The following ANKRD27 variants were observed in gnomAD, a reference collection of about 807,000 sequenced individuals.
ANKRD27 encodes the protein ankyrin repeat domain-containing protein 27.
A neutral mutation model predicts 129.7 loss-of-function variants in ANKRD27; 112 were observed. That is an observed-to-expected ratio of 0.86 (90% CI 0.74 to 1.01). The LOEUF (loss-of-function observed/expected upper bound fraction) is 1.01. Ranked by LOEUF, ANKRD27 falls within the 50% of genes least tolerant of loss-of-function variation. The pLI is 0.00. For missense variants in ANKRD27, 1,258 were observed against 1,300.5 expected, an observed-to-expected ratio of 0.97 and a Z score of 0.50; for synonymous variants, 516 against 511.2, an observed-to-expected ratio of 1.01 and a Z score of -0.13.
chr19:32,644,653 T>C (rs1255836158), intron 4 of ANKRD27, among the ~76,000 whole-genome samples, 174 bp from the exon 5 acceptor site: 2 of 152,196 alleles, frequency 1.3e-5, no homozygotes, highest in African/African-American at 4.8e-5. Flanking sequence ...CCTGGTCCTC[T>C]CAAGGCCTCT....
chr19:32,645,500 G>A (rs1341451020), intron 4 of ANKRD27, among the ~76,000 whole-genome samples: 1 of 152,078 alleles, frequency 6.6e-6, no homozygotes, highest in Non-Finnish European at 1.5e-5. Context: ...GTGCAGTGGT[G>A]TGATCATGGC....
At chr19:32,604,482 G>C in intron 24 of ANKRD27, 58 bp from the exon 25 acceptor site, 1 of 1,518,936 alleles carries the variant, frequency 6.6e-7, no homozygotes, top group Non-Finnish European at 8.9e-7. Context: ...CATGGAATCT[G>C]GCTGTGGGTA....
chr19:32,601,988 C>T (rs184828672), intron 26 of ANKRD27, 27 bp downstream of exon 26: 26 of 1,435,316 alleles, frequency 1.8e-5, no homozygotes, highest in South Asian at 7.1e-5. Flanking sequence ...CCAACTTGAG[C>T]GTGACAGAAA....
At chr19:32,620,422 G>A (rs1199116506) in intron 18 of ANKRD27, among the ~76,000 whole-genome samples, 1 of 150,928 alleles carries the variant, frequency 6.6e-6, no homozygotes, top group Non-Finnish European at 1.5e-5. Context: ...AAATAAACTA[G>A]CTGGGCTTGG....
rs569624738 is a variant in ANKRD27, at chr19:32,667,176, A to G, written c.-31+7895T>C. 1.8e-4 allele frequency among the ~76,000 whole-genome samples: 28 copies of G among 152,366 alleles called. No individual in the cohort carries two copies. The South Asian group carries it at 5.8e-3, about 32-fold the overall frequency. On this transcript the variant is annotated intron_variant, in intron 1 of 28. Coordinates refer to ENST00000306065, the MANE Select transcript of ANKRD27 (RefSeq NM_032139.3). ...AGGCACCCGACTTCCCAGGGGGCGC[A>G]GCTCTGTGCAAGGGCACTAGGCTAG... is the stretch of plus-strand genomic sequence containing the variant.
chr19:32,630,796 A>G (rs1966979295), intron 13 of ANKRD27, among the ~76,000 whole-genome samples: 1 of 151,914 alleles, frequency 6.6e-6, no homozygotes, highest in Admixed American at 6.6e-5. Flanking sequence ...ACACCTGGCT[A>G]ATTTTTGTAT....
chr19:32,669,962 CTCCAGCCTGAGTGACAGGCTGAGA>C (rs1967835070), intron 1 of ANKRD27, among the ~76,000 whole-genome samples: 1 of 149,132 alleles, frequency 6.7e-6, no homozygotes, highest in Admixed American at 6.7e-5. Flanking sequence ...CGCCACTGCA[CTCCAGCCTGAGTGACAGGCTGAGA>C]TCCCGTCACA....
intron 12 of ANKRD27, 144 bp from the exon 13 acceptor site, chr19:32,631,638 C>T (rs1568407231): frequency 1.3e-5 from 9 of 680,050 alleles, no homozygotes; most frequent in Middle Eastern, 3.9e-4. Flanking sequence ...CTCACTGAGA[C>T]GGAGGACGGG....
chr19:32,613,595 T>C (rs577317144), intron 22 of ANKRD27, among the ~76,000 whole-genome samples: 6 of 152,038 alleles, frequency 3.9e-5, no homozygotes, highest in East Asian at 3.8e-4. Context: ...ACAAATGGAA[T>C]GCCACCCCGC....
At chr19:32,618,750 A>T (rs1249305987) in intron 20 of ANKRD27, among the ~76,000 whole-genome samples, 1 of 151,982 alleles carries the variant, frequency 6.6e-6, no homozygotes, top group Non-Finnish European at 1.5e-5. Flanking sequence ...TCAGCTAAAG[A>T]ATGAGGCAGA....
chr19:32,604,421 C>T lies in ANKRD27; in HGVS notation c.2497G>A (p.Gly833Arg), dbSNP rs1487971975. The change falls in exon 25 of 29, where the codon GGG (glycine) becomes AGG (arginine). Residue 833 changes from glycine (G) to arginine (R), a missense_variant. Gly to Arg is a moderately radical substitution (Grantham distance 125). Coordinates refer to ENST00000306065, the MANE Select transcript of ANKRD27 (RefSeq NM_032139.3). ...TTGTTAGAAGCGTTAATGGAGGCCCCGTGCTGGAAAGAGAAACCACACGAT... is the reference window on the plus strand; with the variant it reads ...TTGTTAGAAGCGTTAATGGAGGCCCTGTGCTGGAAAGAGAAACCACACGAT... ...HELVALLLQH[G>R]ASINASNNKG... The T allele has an allele frequency of 5.0e-6, 8 of 1,598,136 alleles. No homozygotes were observed. In the South Asian group the frequency reaches 5.5e-5, roughly 11 times the overall value.
intron 12 of ANKRD27, chr19:32,638,434 T>C (rs1967131358): frequency 2.0e-5 from 3 of 152,240 alleles, no homozygotes; most frequent in African/African-American, 7.2e-5. Context: ...TCCACTAGTC[T>C]ACGTACCTCA....
chr19:32,651,606 G>GAA (rs1967418299), intron 2 of ANKRD27, among the ~76,000 whole-genome samples: 1 of 152,118 alleles, frequency 6.6e-6, no homozygotes, highest in African/African-American at 2.4e-5. Flanking sequence ...TCCTGACCTT[G>GAA]TGATCTGCCC....
At chr19:32,672,087 A>T (rs554793189) in intron 1 of ANKRD27, among the ~76,000 whole-genome samples, 31 of 152,330 alleles carry the variant, frequency 2.0e-4, no homozygotes, top group African/African-American at 6.5e-4. Flanking sequence ...GCATGGGGGA[A>T]TTCAGCCTCC....
chr19:32,634,552 T>C (rs534456290), intron 12 of ANKRD27, among the ~76,000 whole-genome samples: 28 of 152,194 alleles, frequency 1.8e-4, no homozygotes, highest in African/African-American at 6.5e-4. Context: ...AACTAAACAC[T>C]ATCCTTAGGG....
At chr19:32,628,886 G>A (rs1966939572) in intron 13 of ANKRD27, 37 bp from the exon 14 acceptor site, 2 of 1,610,558 alleles carry the variant, frequency 1.2e-6, no homozygotes, top group Non-Finnish European at 8.5e-7. Flanking sequence ...CCACATGCTG[G>A]AATTACTCAA....
At chr19:32,643,664 C>A in intron 5 of ANKRD27, 33 bp from the exon 6 acceptor site, 1 of 1,612,276 alleles carries the variant, frequency 6.2e-7, no homozygotes, top group South Asian at 1.1e-5. Context: ...ACAGGCCACC[C>A]TTACCAGCAA....
At chr19:32,628,440 C>G (rs181171744) in intron 14 of ANKRD27, among the ~76,000 whole-genome samples, 34 of 152,376 alleles carry the variant, frequency 2.2e-4, no homozygotes, top group Admixed American at 4.6e-4. Context: ...CTGGGAAAAA[C>G]TGACATTCCT....
chr19:32,598,583 C>G (rs1262258754), intron 28 of ANKRD27, among the ~76,000 whole-genome samples: 2 of 152,166 alleles, frequency 1.3e-5, no homozygotes. Context: ...CTTGTTTTCA[C>G]AATCTTTATG....
Sources: gnomAD v4.1 joint callset for allele counts (sites outside exome capture counted in the v4.1 genomes callset) on GRCh38, gnomAD v4.1.1 for gene constraint, MANE v1.5 for transcripts, NCBI Gene and HGNC (gene_info 2026-07-23, HGNC 2026-07-21) for gene names.